The following SPMIP2 variants were observed in gnomAD, a reference collection of about 807,000 sequenced individuals.
The protein encoded by SPMIP2 is protein SPMIP2.
At chr4:158,928,098 C>T in the SPMIP2 span, among the ~76,000 whole-genome samples, 690 of 152,328 alleles carry the variant, frequency 4.5e-3, 4 homozygotes, top group African/African-American at 0.015. Flanking sequence ...GCGCAAGGCA[C>T]GGGACTGGCA....
At chr4:158,938,054 A>T in the SPMIP2 span, among the ~76,000 whole-genome samples, 1 of 152,260 alleles carries the variant, frequency 6.6e-6, no homozygotes, top group African/African-American at 2.4e-5. Context: ...GTATCTATGG[A>T]CAAAACTATT....
chr4:158,921,012 CTT>C, the SPMIP2 span, among the ~76,000 whole-genome samples: 1 of 152,230 alleles, frequency 6.6e-6, no homozygotes, highest in Non-Finnish European at 1.5e-5. Context: ...TGTTTATACT[CTT>C]TCTCTTTATT....
chr4:158,905,363 A>T, the SPMIP2 span: 1 of 152,186 alleles, frequency 6.6e-6, no homozygotes, highest in East Asian at 1.9e-4. Context: ...TTTTTAAGAG[A>T]GGCCACTTAC....
At chr4:159,070,534 A>T in the SPMIP2 span, among the ~76,000 whole-genome samples, 2 of 152,216 alleles carry the variant, frequency 1.3e-5, no homozygotes, top group African/African-American at 4.8e-5. Flanking sequence ...GATGATGCCT[A>T]GACATTTTCA....
chr4:158,933,369 C>A, the SPMIP2 span, among the ~76,000 whole-genome samples: 1 of 152,076 alleles, frequency 6.6e-6, no homozygotes, highest in Non-Finnish European at 1.5e-5. Context: ...TTTTGGAGGT[C>A]CTTAGTTCAC....
chr4:158,976,999 G>C, the SPMIP2 span, among the ~76,000 whole-genome samples: 1 of 152,080 alleles, frequency 6.6e-6, no homozygotes, highest in African/African-American at 2.4e-5. Flanking sequence ...CAGTTTGCCA[G>C]TATTTTATTG....
chr4:159,066,886 G>A, the SPMIP2 span, among the ~76,000 whole-genome samples: 1 of 152,320 alleles, frequency 6.6e-6, no homozygotes, highest in East Asian at 1.9e-4. Flanking sequence ...TTTGCAGAGG[G>A]AAGGTGCTGT....
chr4:159,072,096 T>C, the SPMIP2 span, among the ~76,000 whole-genome samples: 1 of 152,196 alleles, frequency 6.6e-6, no homozygotes, highest in Non-Finnish European at 1.5e-5. Context: ...GTGGATCACT[T>C]GGGCCCAAGG....
chr4:158,934,727 C>T, the SPMIP2 span, among the ~76,000 whole-genome samples: 1 of 152,106 alleles, frequency 6.6e-6, no homozygotes, highest in African/African-American at 2.4e-5. Context: ...TACTCTGCCA[C>T]CCAAGAGAGA....
the SPMIP2 span, among the ~76,000 whole-genome samples, chr4:159,054,505 A>C: frequency 6.6e-6 from 1 of 151,728 alleles, no homozygotes; most frequent in Non-Finnish European, 1.5e-5. Context: ...TCCCCACCAC[A>C]CTGGAAGCCT....
chr4:159,026,325 G>T, the SPMIP2 span: 1 of 626,726 alleles, frequency 1.6e-6, no homozygotes, highest in Non-Finnish European at 3.0e-6. Flanking sequence ...CTCGTACCCT[G>T]GGAGAGAAGT....
chr4:158,958,688 T>A, the SPMIP2 span, among the ~76,000 whole-genome samples: 7 of 152,234 alleles, frequency 4.6e-5, no homozygotes, highest in Admixed American at 3.9e-4. Context: ...CAGGCCACCT[T>A]AGAGAATGCA....
the SPMIP2 span, among the ~76,000 whole-genome samples, chr4:159,027,802 A>C: frequency 6.6e-6 from 1 of 152,214 alleles, no homozygotes; most frequent in African/African-American, 2.4e-5. Flanking sequence ...TAATGGAGCA[A>C]TACATTTCAA....
chr4:159,020,120 T>TA, the SPMIP2 span, among the ~76,000 whole-genome samples: 1,877 of 141,748 alleles, frequency 0.013, 26 homozygotes, highest in African/African-American at 0.033. Context: ...ACTCCATCTT[T>TA]AAAAAAAAAA....
chr4:159,008,560 C>T, the SPMIP2 span, among the ~76,000 whole-genome samples: 4 of 127,528 alleles, frequency 3.1e-5, no homozygotes, highest in Non-Finnish European at 6.6e-5. Flanking sequence ...CAGAATAAGA[C>T]TCTGTCTCAA....
the SPMIP2 span, among the ~76,000 whole-genome samples, chr4:158,914,057 T>G: frequency 6.6e-6 from 1 of 152,170 alleles, no homozygotes; most frequent in African/African-American, 2.4e-5. Context: ...TTTAACAGAT[T>G]TTTTAATGCA....
At chr4:159,081,968 T>C in the SPMIP2 span, among the ~76,000 whole-genome samples, 4 of 152,118 alleles carry the variant, frequency 2.6e-5, no homozygotes, top group Admixed American at 2.0e-4. Flanking sequence ...CAGACTCTGC[T>C]GAAACTCAAC....
chr4:159,035,319 T>C, the SPMIP2 span: 1 of 462,520 alleles, frequency 2.2e-6, no homozygotes, highest in Non-Finnish European at 3.8e-6. Context: ...GCTATAGTCT[T>C]CCCAGAACTT....
the SPMIP2 span, among the ~76,000 whole-genome samples, chr4:158,976,243 T>A: frequency 3.9e-5 from 6 of 152,198 alleles, no homozygotes; most frequent in Non-Finnish European, 1.5e-5. Context: ...AGAGAGATAA[T>A]TTGACTTCCT....
Sources: allele counts gnomAD v4.1 joint callset (sites outside exome capture counted in the v4.1 genomes callset), GRCh38; gene constraint gnomAD v4.1.1; transcripts MANE v1.5; gene names NCBI Gene and HGNC (gene_info 2026-07-23, HGNC 2026-07-21).